The following TRPM1 variants were observed in gnomAD, a reference collection of about 807,000 sequenced individuals.
The protein encoded by TRPM1 is TRPM1-203 APA Isoform, Intron 10.
TRPM1 carries 113 observed loss-of-function variants against 149.4 expected under a neutral mutation model. That is an observed-to-expected ratio of 0.76 (90% CI 0.65 to 0.88). The LOEUF (loss-of-function observed/expected upper bound fraction) is 0.88, where lower values mean the gene tolerates loss of function less well. Among genes scored for constraint, TRPM1 ranks in the 40% least tolerant of loss-of-function variants. TRPM1 has a pLI of 0.00. For synonymous variants in TRPM1, 741 were observed against 759.5 expected, an observed-to-expected ratio of 0.98 and a Z score of 0.40; for missense variants, 1,976 against 2,038.7, an observed-to-expected ratio of 0.97 and a Z score of 0.59.
At chr15:31,113,746 G>A (rs528544289) in intron 1 of TRPM1, among the ~76,000 whole-genome samples, 4 of 152,276 alleles carry the variant, frequency 2.6e-5, no homozygotes, top group South Asian at 2.1e-4. Flanking sequence ...TAAGAATGAA[G>A]CATGCGGACC....
At chr15:31,127,769 G>A (rs1045500767) in intron 1 of TRPM1, among the ~76,000 whole-genome samples, 1 of 152,182 alleles carries the variant, frequency 6.6e-6, no homozygotes, top group African/African-American at 2.4e-5. Flanking sequence ...ACAGGAACCA[G>A]CAGTGACTGT....
At chr15:31,136,749 C>CCTTTTTT (rs556656172) in intron 1 of TRPM1, among the ~76,000 whole-genome samples, 14 of 137,848 alleles carry the variant, frequency 1.0e-4, no homozygotes, top group African/African-American at 3.2e-4. Context: ...CGCCCCCACC[C>CCTTTTTT]TTTTTTTTTT....
At chr15:31,136,272 G>A (rs1567074777) in intron 1 of TRPM1, among the ~76,000 whole-genome samples, 1 of 152,128 alleles carries the variant, frequency 6.6e-6, no homozygotes, top group Non-Finnish European at 1.5e-5. Flanking sequence ...TGGAGGCGGA[G>A]ACATTAGCTC....
rs779085438 is a variant in TRPM1, at chr15:31,003,061, A to G, written c.3639T>C (p.Asn1213=). The G allele has an allele frequency of 5.6e-6, 9 of 1,603,440 alleles. No individual in the cohort carries two copies. Among genetic ancestry groups the G allele is most frequent in the Non-Finnish European group, 3.4e-6 (4 of 1,177,258 alleles). Residue 1213 remains asparagine, a synonymous_variant, in exon 28 of 28, where the codon AAT becomes AAC. Transcript: ENST00000256552. ...TGATTTCTTCCAACCTCATTGACAT[A>G]TTTTCAACTCTGGTGAATATAAAGG... ...RIRVTSERVE[N]MSMRLEEINE...
In TRPM1 at chr15:31,028,253, T is replaced by C. The variant is rs114202907; in HGVS notation, c.3293+79A>G. The C allele has an allele frequency of 1.6e-3, 2,547 of 1,576,460 alleles. 37 individuals are homozygous for C. The African/African-American group carries it at 0.029, about 18-fold the overall frequency. On this transcript the variant is annotated intron_variant, in intron 25 of 27. Coordinates refer to ENST00000256552, the MANE Select transcript of TRPM1 (RefSeq NM_001252024.2). ...AATTATCTGCAAATATATTGGTATC[T>C]TGGGAGCGTTCTGAGATTAAATGGA...
At chr15:31,113,113 A>G (rs977283771) in intron 1 of TRPM1, among the ~76,000 whole-genome samples, 5 of 152,118 alleles carry the variant, frequency 3.3e-5, no homozygotes, top group African/African-American at 1.2e-4. Flanking sequence ...TCTTGGCTTT[A>G]GGTAGCTAAG....
rs751743414 is a variant in TRPM1 at position 31,049,490 on chromosome 15, G to A, written c.1457C>T (p.Ala486Val). ...ATCTAAGACTAAAGCATCTAGCATC[G>A]CTTGCTCCAAAGCATTCACCTGCAG... ...LLNWVNALEQ[A>V]MLDALVLDRV... Residue 486 changes from alanine to valine, a missense_variant, in exon 13 of 28, where the codon GCG becomes GTG. Ala to Val is a moderately conservative substitution (Grantham distance 64). Transcript: ENST00000256552. 8 of 1,613,976 alleles carry A rather than the reference G, an allele frequency of 5.0e-6. No homozygotes were observed. The highest frequency in any genetic ancestry group is 1.7e-5 in the Admixed American group (1 of 60,020).
chr15:31,058,820 G>A (rs2034152379), intron 11 of TRPM1, among the ~76,000 whole-genome samples: 1 of 152,204 alleles, frequency 6.6e-6, no homozygotes, highest in Non-Finnish European at 1.5e-5. Context: ...AGTGACTCAT[G>A]CCTGTAATCC....
At chr15:31,033,719 A>C (rs2033204136) in intron 21 of TRPM1, among the ~76,000 whole-genome samples, 1 of 151,574 alleles carries the variant, frequency 6.6e-6, no homozygotes. Flanking sequence ...GCCGATGGCC[A>C]CCCTCTCTCT....
chr15:31,132,062 T>C (rs2036023338), intron 1 of TRPM1, among the ~76,000 whole-genome samples: 3 of 152,170 alleles, frequency 2.0e-5, no homozygotes, highest in Admixed American at 2.0e-4. Context: ...TGAGGAGCAT[T>C]AGCCACAGCC....
rs58872566 is a variant in TRPM1 at position 31,087,231 on chromosome 15, A to ATTTTT, written c.-83-5798_-83-5794dup. Among the ~76,000 whole-genome samples the ATTTTT allele has an allele frequency of 9.5e-3, 563 of 59,452 alleles. 77 individuals carry two copies. The highest frequency in any genetic ancestry group is 0.015 in the African/African-American group (210 of 14,046). 39.0% of individuals were successfully genotyped at this position (59,452 alleles called of 152,430 possible). ...AGCAGTTAAGCAGGTCTCAATAGGGATTTTTTTTTTTTTTTTTTTTTTTTT... is the reference window on the plus strand; with the variant it reads ...AGCAGTTAAGCAGGTCTCAATAGGGATTTTTTTTTTTTTTTTTTTTTTTTTTTTTT... On this transcript the variant is annotated intron_variant, in intron 1 of 27. Transcript: ENST00000256552.
At position 31,097,390 on chromosome 15, in the gene TRPM1, C is replaced by T. The variant is rs530360422; in HGVS notation, c.-84+4267G>A. 7.9e-5 allele frequency among the ~76,000 whole-genome samples: 12 copies of T among 152,266 alleles called. No individual in the cohort carries two copies. In the South Asian group the frequency reaches 2.3e-3, roughly 29 times the overall value. On this transcript the variant is annotated intron_variant, in intron 1 of 27. Transcript: ENST00000256552. Reference sequence around the variant, plus strand: ...CCAAACCCCAAGGCAAATTGGTGGCCGGCTTGGCTGAGTACTGGCTTGCCT... The same window carrying T: ...CCAAACCCCAAGGCAAATTGGTGGCTGGCTTGGCTGAGTACTGGCTTGCCT...
At position 31,040,758 on chromosome 15, in the gene TRPM1, G is replaced by T. The variant is rs193077415; in HGVS notation, c.2088-412C>A. ...CCACAGTAGCGGGGCTGCTGGTGGT[G>T]GTGGTGGCGGGAGGTGGACACTGAA... On this transcript the variant is annotated intron_variant, in intron 17 of 27. Transcript: ENST00000256552. This position sits in a 1 kb window ranked among gnomAD's most constrained non-coding sequence, Gnocchi z 4.2. 2.6e-4 allele frequency among the ~76,000 whole-genome samples: 40 copies of T among 152,336 alleles called. No individual in the cohort carries two copies. The highest frequency in any genetic ancestry group is 2.5e-3 in the Admixed American group (38 of 15,308).
intron 1 of TRPM1, among the ~76,000 whole-genome samples, chr15:31,098,871 G>A (rs1440296672): frequency 6.6e-6 from 1 of 152,120 alleles, no homozygotes; most frequent in Non-Finnish European, 1.5e-5. Flanking sequence ...CAGAAGCCGT[G>A]AGGGAGGGGA....
Position 31,160,799 on chromosome 15 carries a change from G to A in TRPM1, c.54+107C>T. 1.5e-5 allele frequency: 19 copies of A among 1,279,484 alleles called. No homozygotes were observed. The South Asian group carries it at 2.2e-4, about 15-fold the overall frequency. 79.3% of individuals were successfully genotyped at this position (1,279,484 alleles called of 1,614,324 possible). A position where few individuals can be genotyped will look rare whatever the true frequency, so the allele number is the denominator to read the frequency against. ...CCCATGCCCACCCAGCACAGTTTGG[G>A]AGGACAGGACCCGCTGGGCCAGCAC... is the stretch of plus-strand genomic sequence containing the variant. On this transcript the variant is annotated intron_variant, in intron 1 of 26. Coordinates refer to the TRPM1 transcript ENST00000542188.
At chr15:31,010,852 T>C (rs2032159284) in intron 27 of TRPM1, among the ~76,000 whole-genome samples, 1 of 152,200 alleles carries the variant, frequency 6.6e-6, no homozygotes, top group Non-Finnish European at 1.5e-5. Flanking sequence ...CTAATATTAG[T>C]GAAAGTTGAA....
At chr15:31,032,543 A>G in intron 22 of TRPM1, 146 bp downstream of exon 22, 2 of 927,134 alleles carry the variant, frequency 2.2e-6, no homozygotes, top group Non-Finnish European at 3.4e-6. Context: ...AGAACTGTGT[A>G]TCTTAAAGCA....
upstream of TRPM1, among the ~76,000 whole-genome samples, chr15:31,103,669 C>T (rs968247409): frequency 4.6e-5 from 7 of 151,570 alleles, no homozygotes; most frequent in African/African-American, 9.7e-5. Flanking sequence ...AAAAAATAAC[C>T]GGCCATGGTG....
chr15:31,001,818 C>A lies in TRPM1; in HGVS notation c.*4G>T. 6.2e-7 allele frequency: 1 copy of A among 1,608,814 alleles called. No individual in the cohort carries two copies. Among genetic ancestry groups the A allele is most frequent in the Non-Finnish European group, 8.5e-7 (1 of 1,179,590 alleles). ...AAAAAAAAAAATTAAAGAAACAAAACAGACTAGCATTCAGTTTCTGTGGAA... is the reference window on the plus strand; with the variant it reads ...AAAAAAAAAAATTAAAGAAACAAAAAAGACTAGCATTCAGTTTCTGTGGAA... On this transcript the variant is annotated 3_prime_UTR_variant, in exon 28 of 28. Coordinates refer to ENST00000256552, the MANE Select transcript of TRPM1 (RefSeq NM_001252024.2).
Sources: gnomAD v4.1 joint callset for allele counts (sites outside exome capture counted in the v4.1 genomes callset) on GRCh38, gnomAD v4.1.1 for gene constraint, Gnocchi (gnomAD v3.1) non-coding constraint, MANE v1.5 for transcripts, NCBI Gene and HGNC (gene_info 2026-07-23, HGNC 2026-07-21) for gene names.